The following METTL4 variants were observed in gnomAD, a reference collection of about 807,000 sequenced individuals.
The protein encoded by METTL4 is N(6)-adenine-specific methyltransferase METTL4.
METTL4 carries 40 observed loss-of-function variants against 54.0 expected under a neutral mutation model. The ratio of observed to expected loss-of-function variants is 0.74; its 90% CI spans 0.58 to 0.96. The LOEUF (loss-of-function observed/expected upper bound fraction) is 0.96, where lower values mean the gene tolerates loss of function less well. Ranked by LOEUF, METTL4 falls within the 50% of genes least tolerant of loss-of-function variation. The probability of loss-of-function intolerance (pLI) is 0.00; values close to 1 mark genes in which losing one functional copy is unlikely to be tolerated. For missense variants in METTL4, 525 were observed against 549.0 expected, an observed-to-expected ratio of 0.96 and a Z score of 0.44; for synonymous variants, 169 against 183.8, an observed-to-expected ratio of 0.92 and a Z score of 0.65.
In METTL4 at chr18:2,571,505, G is replaced by A. The variant is rs2072509973; in HGVS notation, c.-795C>T. The A allele has an allele frequency of 6.6e-6, 1 of 152,248 alleles. No individual in the cohort carries two copies. Among genetic ancestry groups the A allele is most frequent in the African/African-American group, 2.4e-5 (1 of 41,466 alleles). The allele number at this position is 152,248 out of a possible 1,614,324, so 9.4% of individuals were successfully genotyped here. A position where few individuals can be genotyped will look rare whatever the true frequency, so the allele number is the denominator to read the frequency against. Reference sequence around the variant, plus strand: ...CTTCCAGCGACGAGGCGGTCGCATGGAAGTTACTGCGCGCGTCGTGCGTAA... The same window carrying A: ...CTTCCAGCGACGAGGCGGTCGCATGAAAGTTACTGCGCGCGTCGTGCGTAA... On this transcript the variant is annotated 5_prime_UTR_variant, in exon 1 of 9. Transcript: ENST00000574538.
intron 3 of METTL4, among the ~76,000 whole-genome samples, chr18:2,556,903 A>G (rs1447429371): frequency 6.6e-6 from 1 of 152,170 alleles, no homozygotes; most frequent in Non-Finnish European, 1.5e-5. Flanking sequence ...TCAAATTGCT[A>G]AAAGAAACAG....
intron 2 of METTL4, among the ~76,000 whole-genome samples, chr18:2,565,555 A>G (rs925775016): frequency 2.6e-5 from 4 of 152,222 alleles, no homozygotes; most frequent in African/African-American, 9.6e-5. Flanking sequence ...AAAAGTCACA[A>G]TATTAAAAAG....
intron 5 of METTL4, among the ~76,000 whole-genome samples, chr18:2,549,480 C>A (rs573142913): frequency 2.0e-5 from 3 of 152,234 alleles, no homozygotes; most frequent in Non-Finnish European, 4.4e-5. Flanking sequence ...AATTCCATCA[C>A]CTTCTATCTA....
At chr18:2,552,622 A>C (rs1295754932) in intron 5 of METTL4, 73 bp downstream of exon 5, 1 of 927,220 alleles carries the variant, frequency 1.1e-6, no homozygotes, top group African/African-American at 1.7e-5. Flanking sequence ...AAGTAATGTC[A>C]ATAGTATATT....
chr18:2,547,611 G>T, intron 5 of METTL4, 82 bp from the exon 6 acceptor site: 1 of 1,047,978 alleles, frequency 9.5e-7, no homozygotes, highest in East Asian at 2.6e-5. Flanking sequence ...GCATAACACA[G>T]ACTCCACAAA....
chr18:2,562,369 T>C (rs2072335017), intron 3 of METTL4: 1 of 152,164 alleles, frequency 6.6e-6, no homozygotes, highest in Non-Finnish European at 1.5e-5. Context: ...TGAGACCCTG[T>C]CTCAAAAGAA....
At chr18:2,560,791 A>T (rs2072305397) in intron 3 of METTL4, among the ~76,000 whole-genome samples, 1 of 152,196 alleles carries the variant, frequency 6.6e-6, no homozygotes, top group South Asian at 2.1e-4. Flanking sequence ...AGGCAAGAGA[A>T]TGGCATGAAC....
chr18:2,551,160 T>A, intron 5 of METTL4, among the ~76,000 whole-genome samples: 1 of 113,704 alleles, frequency 8.8e-6, no homozygotes, highest in Admixed American at 1.0e-4. Flanking sequence ...CGAGACTCCG[T>A]CTCAAAAAAA....
chr18:2,566,068 AAT>A (rs2072412096), intron 2 of METTL4, among the ~76,000 whole-genome samples: 1 of 149,022 alleles, frequency 6.7e-6, no homozygotes, highest in Non-Finnish European at 1.5e-5. Context: ...TAAATAAATA[AAT>A]AAATAAATAA....
chr18:2,566,033 C>T (rs1395518282), intron 2 of METTL4, among the ~76,000 whole-genome samples: 13 of 123,882 alleles, frequency 1.0e-4, no homozygotes, highest in Middle Eastern at 4.1e-3. Context: ...GGTGACAGAG[C>T]AAGACTCTGT....
intron 1 of METTL4, among the ~76,000 whole-genome samples, chr18:2,570,170 T>C (rs1183301197): frequency 6.6e-6 from 1 of 152,204 alleles, no homozygotes; most frequent in African/African-American, 2.4e-5. Context: ...CTTCCATCTA[T>C]TGGAGTCTAG....
intron 8 of METTL4, among the ~76,000 whole-genome samples, chr18:2,541,386 A>C (rs2071990850): frequency 6.6e-6 from 1 of 152,206 alleles, no homozygotes; most frequent in Non-Finnish European, 1.5e-5. Context: ...TTTGCTCTGA[A>C]AGCATGGGGC....
intron 1 of METTL4, among the ~76,000 whole-genome samples, chr18:2,567,949 G>C (rs545673480): frequency 6.6e-6 from 1 of 152,302 alleles, no homozygotes; most frequent in African/African-American, 2.4e-5. Context: ...AAGGTTAAGA[G>C]TCTAGATCTG....
chr18:2,564,351 A>C (rs988406721), intron 2 of METTL4, among the ~76,000 whole-genome samples: 3 of 152,252 alleles, frequency 2.0e-5, no homozygotes, highest in African/African-American at 7.2e-5. Flanking sequence ...TCTCAAAAAA[A>C]AGAACTAGTT....
Position 2,567,448 on chromosome 18 carries a change from T to A in METTL4, c.-232A>T, listed in dbSNP as rs1184982638. The A allele has an allele frequency of 8.9e-6, 3 of 336,206 alleles. No homozygotes were observed. The highest frequency in any genetic ancestry group is 6.4e-5 in the African/African-American group (3 of 46,912). 20.8% of individuals were successfully genotyped at this position (336,206 alleles called of 1,614,324 possible). A position where few individuals can be genotyped will look rare whatever the true frequency, so the allele number is the denominator to read the frequency against. ...TTGCAATGTTTTAATATAAACTTTCTTTTTAATTTCAGAGTTGATAATTCA... is the reference window on the plus strand; with the variant it reads ...TTGCAATGTTTTAATATAAACTTTCATTTTAATTTCAGAGTTGATAATTCA... On this transcript the variant is annotated 5_prime_UTR_variant, in exon 2 of 9. In the 5' UTR this introduces an upstream ATG that the reference lacks. Transcript: ENST00000574538.
In METTL4 at chr18:2,567,064, A is replaced by T. The variant is rs2072431100; in HGVS notation, c.153T>A (p.Asp51Glu). ...CACAGACTCCAGAGGAGGACACAGA[A>T]TCCATTTGAAGAGACTCAAAGTGAA... ...TSVHFESLQM[D>E]SVSSSGVCAA... Residue 51 changes from aspartate to glutamate, a missense_variant, in exon 2 of 9, where the codon GAT (aspartate) becomes GAA (glutamate). By Grantham distance (45) the Asp-to-Glu change is conservative. Transcript: ENST00000574538. 6.2e-7 allele frequency: 1 copy of T among 1,614,190 alleles called. No homozygotes were observed. The highest frequency in any genetic ancestry group is 1.1e-5 in the South Asian group (1 of 91,086).
At chr18:2,546,178 C>A (rs1280673164) in intron 6 of METTL4, among the ~76,000 whole-genome samples, 3 of 151,994 alleles carry the variant, frequency 2.0e-5, no homozygotes, top group Admixed American at 2.0e-4. Flanking sequence ...TATAAATAAA[C>A]AATATACACT....
In METTL4 at chr18:2,554,577, G is replaced by A. The variant is rs976809649; in HGVS notation, c.829+92C>T. On this transcript the variant is annotated intron_variant, in intron 4 of 8. Transcript: ENST00000574538. ...AAGTGTCTACCCTATCCTCATAAAT[G>A]CTGACCCATCTTCAAATTTCAGACT... 3 of 1,156,286 alleles carry A rather than the reference G, an allele frequency of 2.6e-6. No homozygotes were observed. In the African/African-American group the frequency reaches 4.7e-5, roughly 18 times the overall value. 71.6% of individuals were successfully genotyped at this position (1,156,286 alleles called of 1,614,324 possible).
intron 8 of METTL4, among the ~76,000 whole-genome samples, chr18:2,543,145 C>T (rs1048760886): frequency 6.6e-6 from 1 of 151,524 alleles, no homozygotes; most frequent in Non-Finnish European, 1.5e-5. Context: ...AAAAAAGGAC[C>T]CTTCTCCATA....
Sources: allele counts gnomAD v4.1 joint callset (sites outside exome capture counted in the v4.1 genomes callset), GRCh38; gene constraint gnomAD v4.1.1; transcripts MANE v1.5; gene names NCBI Gene and HGNC (gene_info 2026-07-23, HGNC 2026-07-21).